Variants in TXLNA observed in about 807,000 individuals in gnomAD.
TXLNA encodes the protein taxilin alpha.
TXLNA carries 9 observed loss-of-function variants against 61.4 expected under a neutral mutation model. The ratio of observed to expected loss-of-function variants is 0.15; its 90% CI spans 0.09 to 0.26. The LOEUF is 0.26. Ranked by LOEUF, TXLNA falls within the 10% of genes least tolerant of loss-of-function variation. TXLNA has a pLI of 1.00. For missense variants in TXLNA, 565 were observed against 688.8 expected, an observed-to-expected ratio of 0.82 and a Z score of 2.01; for synonymous variants, 257 against 267.7, an observed-to-expected ratio of 0.96 and a Z score of 0.39.
Position 32,191,686 on chromosome 1 carries a change from T to A in TXLNA, c.964-625T>A, listed in dbSNP as rs61781201. 2.0e-5 allele frequency among the ~76,000 whole-genome samples: 3 copies of A among 152,298 alleles called. No homozygotes were observed. In the East Asian group the frequency reaches 5.8e-4, roughly 29 times the overall value. ...CACCCTCATCATACCCAAACTGGACTTACCTGCTAGGCACCTTCCCTTCCC... is the reference window on the plus strand; with the variant it reads ...CACCCTCATCATACCCAAACTGGACATACCTGCTAGGCACCTTCCCTTCCC... On this transcript the variant is annotated intron_variant, in intron 6 of 10. Transcript: ENST00000373610.
At chr1:32,181,136 G>C in intron 2 of TXLNA, 106 bp from the exon 3 acceptor site, 1 of 956,806 alleles carries the variant, frequency 1.0e-6, no homozygotes, top group Non-Finnish European at 1.4e-6. Flanking sequence ...AAAAAAGTTA[G>C]GCAACATTTA....
chr1:32,184,514 G>C lies in TXLNA; in HGVS notation c.506-11G>C. 1 of 1,604,408 alleles carries C rather than the reference G, an allele frequency of 6.2e-7. No individual in the cohort carries two copies. The highest frequency in any genetic ancestry group is 8.5e-7 in the Non-Finnish European group (1 of 1,171,286). ...GAAGAGGGTGCATGTCTTTGCTCCTGTGCTTTTCAGGGAAGGAGATCACGT... is the reference window on the plus strand; with the variant it reads ...GAAGAGGGTGCATGTCTTTGCTCCTCTGCTTTTCAGGGAAGGAGATCACGT... On this transcript the variant is annotated splice_polypyrimidine_tract_variant and intron_variant, in intron 3 of 10. Transcript: ENST00000373610.
chr1:32,195,756 C>G lies in TXLNA; in HGVS notation c.*561C>G. Reference sequence around the variant, plus strand: ...GCGCTCAGAGCTGGGGATTTCCTGCCTGGAACAAGGGACCTGGAGAATGTT... The same window carrying G: ...GCGCTCAGAGCTGGGGATTTCCTGCGTGGAACAAGGGACCTGGAGAATGTT... On this transcript the variant is annotated 3_prime_UTR_variant, in exon 11 of 11. Coordinates refer to ENST00000373610, the MANE Select transcript of TXLNA (RefSeq NM_175852.4). The G allele has an allele frequency of 2.2e-6, 1 of 456,342 alleles. No individual in the cohort carries two copies. The highest frequency in any genetic ancestry group is 4.4e-6 in the Non-Finnish European group (1 of 227,002). 28.3% of individuals were successfully genotyped at this position (456,342 alleles called of 1,614,324 possible).
chr1:32,195,180 C>G lies in TXLNA; in HGVS notation c.1626C>G (p.Thr542=), dbSNP rs1357433020. 6.2e-7 allele frequency: 1 copy of G among 1,600,972 alleles called. No individual in the cohort carries two copies. The highest frequency in any genetic ancestry group is 1.7e-5 in the Admixed American group (1 of 57,860). The part of the protein sequence containing the change: ...ASGQTGPQEP[T]SARA ...GCCAGACTGGGCCTCAAGAGCCCAC[C>G]TCCGCCAGGGCCTAGAGAGCCTGGT... The change falls in exon 11 of 11, where the codon ACC becomes ACG. Residue 542 remains threonine, a synonymous_variant. Transcript: ENST00000373610.
intron 3 of TXLNA, among the ~76,000 whole-genome samples, chr1:32,183,593 A>T (rs951078453): frequency 8.7e-5 from 12 of 137,852 alleles, no homozygotes; most frequent in African/African-American, 3.3e-4. Flanking sequence ...TGCCCGGCTA[A>T]TTTTTTTGTA....
intron 3 of TXLNA, among the ~76,000 whole-genome samples, chr1:32,182,121 T>TTTTTTTA (rs1553134507): frequency 6.7e-6 from 1 of 148,262 alleles, no homozygotes; most frequent in African/African-American, 2.5e-5. Context: ...TTTTTTTTTT[T>TTTTTTTA]AAATAAAGAA....
intron 3 of TXLNA, 92 bp from the exon 4 acceptor site, chr1:32,184,433 G>A (rs1264989674): frequency 2.5e-6 from 2 of 793,340 alleles, no homozygotes; most frequent in Non-Finnish European, 2.2e-6. Flanking sequence ...GTATGATGGG[G>A]AGGGCTGTCT....
rs533281623 is a variant in TXLNA at position 32,190,272 on chromosome 1, T to C, written c.963+23T>C. 1.1e-5 allele frequency: 17 copies of C among 1,567,672 alleles called. No individual in the cohort carries two copies. The African/African-American group carries it at 2.3e-4, about 21-fold the overall frequency. On this transcript the variant is annotated intron_variant, in intron 6 of 10. Coordinates refer to ENST00000373610, the MANE Select transcript of TXLNA (RefSeq NM_175852.4). The stretch of plus-strand genomic sequence containing the variant: ...GAGGTAAGGGTATCACGGACAGCAG[T>C]CATGGCCCAGAAATTGTGAGGTTTT...
At chr1:32,183,042 G>A (rs951583853) in intron 3 of TXLNA, among the ~76,000 whole-genome samples, 1 of 151,792 alleles carries the variant, frequency 6.6e-6, no homozygotes, top group Non-Finnish European at 1.5e-5. Flanking sequence ...ACTCCAGCCT[G>A]GGTGACAGGG....
Position 32,193,211 on chromosome 1 carries a change from G to T in TXLNA, c.1162G>T (p.Ala388Ser), listed in dbSNP as rs753204780. 6.2e-7 allele frequency: 1 copy of T among 1,613,346 alleles called. No individual in the cohort carries two copies. Among genetic ancestry groups the T allele is most frequent in the South Asian group, 1.1e-5 (1 of 91,060 alleles). Residue 388 changes from alanine to serine, a missense_variant, in exon 9 of 11, where the codon GCC (alanine) becomes TCC (serine). This residue lies in a region of TXLNA where 373 missense variants were observed against 504.0 expected (regional missense o/e 0.74). Transcript: ENST00000373610. ...GTGGGCTGCTTTCTCCCCACAGCTT[G>T]CCCTATACACAGAGAAGTTTGAGGA... ...QQETHLKQQLALYTEKFEEFQ... is the reference protein window; with the variant it reads ...QQETHLKQQLSLYTEKFEEFQ...
chr1:32,183,069 AAAAAG>A (rs1642701602), intron 3 of TXLNA, among the ~76,000 whole-genome samples: 1 of 151,926 alleles, frequency 6.6e-6, no homozygotes, highest in African/African-American at 2.4e-5. Context: ...TCCATCTCAA[AAAAAG>A]AAAAAGGAAA....
In TXLNA at chr1:32,192,790, G is replaced by T; in HGVS notation, c.1158+59G>T. On this transcript the variant is annotated intron_variant, in intron 8 of 10. Coordinates refer to ENST00000373610, the MANE Select transcript of TXLNA (RefSeq NM_175852.4). This position sits in a 1 kb window ranked among gnomAD's most constrained non-coding sequence, Gnocchi z 4.2. ...GTTTCCCTCACTGGGCCCCATCCTG[G>T]GGGTAGTGAAATGGGACCCTCATTC... is the stretch of plus-strand genomic sequence containing the variant. 1 of 1,575,646 alleles carries T rather than the reference G, an allele frequency of 6.3e-7. No homozygotes were observed. The highest frequency in any genetic ancestry group is 8.7e-7 in the Non-Finnish European group (1 of 1,145,886).
intron 4 of TXLNA, among the ~76,000 whole-genome samples, chr1:32,185,601 C>T (rs1461010519): frequency 4.8e-5 from 7 of 145,336 alleles, no homozygotes; most frequent in African/African-American, 1.0e-4. Flanking sequence ...GGGGTTTCAC[C>T]GTGTTAGCCA....
In TXLNA at chr1:32,180,871, G is replaced by T. The variant is rs139167896; in HGVS notation, c.169+357G>T. Among the ~76,000 whole-genome samples, 954 of 152,266 alleles carry T rather than the reference G, an allele frequency of 6.3e-3. 10 individuals carry two copies. Among genetic ancestry groups the T allele is most frequent in the Middle Eastern group, 0.021 (6 of 292 alleles). ...TCTGAATGGCAAGAAATGGTTTTGT[G>T]GGGGGGAAGGAGATGGACTAGAAGT... On this transcript the variant is annotated intron_variant, in intron 2 of 10. Coordinates refer to ENST00000373610, the MANE Select transcript of TXLNA (RefSeq NM_175852.4).
chr1:32,195,492 C>T lies in TXLNA; in HGVS notation c.*297C>T. 1.9e-6 allele frequency: 1 copy of T among 528,656 alleles called. No individual in the cohort carries two copies. Among genetic ancestry groups the T allele is most frequent in the Non-Finnish European group, 3.4e-6 (1 of 292,578 alleles). The allele number at this position is 528,656 out of a possible 1,614,324, so 32.7% of individuals were successfully genotyped here. ...GCTGAAGAGTCTTGAGAGGGGCTGT[C>T]ATCTGTAGCTGCCATCACAGTGAGT... On this transcript the variant is annotated 3_prime_UTR_variant, in exon 11 of 11. Coordinates refer to ENST00000373610, the MANE Select transcript of TXLNA (RefSeq NM_175852.4).
At position 32,181,243 on chromosome 1, in the gene TXLNA, G is replaced by T. The variant is rs758686964; in HGVS notation, c.171G>T (p.Gly57=). ...GSSQAPRKPE[G]AQARTAQSGA... is the part of the protein sequence containing the mutation. Reference sequence around the variant, plus strand: ...ACCCCTCATCCTCTCCTGCTGTAGGGGCTCAAGCCAGAACGGCTCAGTCTG... The same window carrying T: ...ACCCCTCATCCTCTCCTGCTGTAGGTGCTCAAGCCAGAACGGCTCAGTCTG... Residue 57 remains glycine, a splice_region_variant and synonymous_variant, in exon 3 of 11, where the codon GGG becomes GGT. Coordinates refer to ENST00000373610, the MANE Select transcript of TXLNA (RefSeq NM_175852.4). 1 of 1,568,118 alleles carries T rather than the reference G, an allele frequency of 6.4e-7. No homozygotes were observed. The highest frequency in any genetic ancestry group is 1.2e-5 in the South Asian group (1 of 85,580).
chr1:32,189,676 C>G (rs1470832197), intron 5 of TXLNA, among the ~76,000 whole-genome samples: 1 of 152,086 alleles, frequency 6.6e-6, no homozygotes, highest in Non-Finnish European at 1.5e-5. Context: ...TCCCAAGCAG[C>G]TGGGACCACA....
At chr1:32,194,859 G>C (rs754848184) in intron 10 of TXLNA, 43 bp from the exon 11 acceptor site, 5 of 1,552,912 alleles carry the variant, frequency 3.2e-6, no homozygotes, top group Non-Finnish European at 4.3e-6. Context: ...GTAAGTGGGA[G>C]GTTGATGGGG....
intron 2 of TXLNA, 33 bp downstream of exon 2, chr1:32,180,547 G>C: frequency 6.4e-7 from 1 of 1,563,074 alleles, no homozygotes; most frequent in Non-Finnish European, 8.7e-7. Flanking sequence ...CAGCGGGCAG[G>C]GGGAGGAGCT....
Sources: allele counts gnomAD v4.1 joint callset (sites outside exome capture counted in the v4.1 genomes callset), GRCh38; gene constraint gnomAD v4.1.1; regional missense constraint gnomAD v4.1.1; non-coding constraint Gnocchi (gnomAD v3.1); transcripts MANE v1.5; gene names NCBI Gene and HGNC (gene_info 2026-07-23, HGNC 2026-07-21).